Variants in ACOXL observed in about 807,000 individuals in gnomAD.
ACOXL encodes the protein acyl-coenzyme A oxidase-like protein.
A neutral mutation model predicts 71.9 loss-of-function variants in ACOXL; 70 were observed. That is an observed-to-expected ratio of 0.97 (90% CI 0.80 to 1.19). The LOEUF (loss-of-function observed/expected upper bound fraction) is 1.19, where lower values mean the gene tolerates loss of function less well. ACOXL is among the 50% of genes most tolerant of loss of function. The pLI is 0.00. For synonymous variants in ACOXL, 253 were observed against 281.6 expected, an observed-to-expected ratio of 0.90 and a Z score of 1.02; for missense variants, 703 against 736.3, an observed-to-expected ratio of 0.95 and a Z score of 0.52.
Position 110,735,018 on chromosome 2 carries a change from G to C in ACOXL, c.-23+2244G>C, listed in dbSNP as rs529879014. On this transcript the variant is annotated intron_variant, in intron 1 of 17. Coordinates refer to ENST00000439055, the MANE Select transcript of ACOXL (RefSeq NM_001142807.4). Reference sequence around the variant, plus strand: ...TGTGGTGGGATACCAAAACACACTTGCACGCAAAGGGAAAAGCAAAAATCC... The same window carrying C: ...TGTGGTGGGATACCAAAACACACTTCCACGCAAAGGGAAAAGCAAAAATCC... Among the ~76,000 whole-genome samples, 147 of 152,270 alleles carry C rather than the reference G, an allele frequency of 9.7e-4. 1 individual carries two copies. The highest frequency in any genetic ancestry group is 3.4e-3 in the African/African-American group (140 of 41,566).
At chr2:110,828,958 T>C (rs1016300616) in intron 9 of ACOXL, among the ~76,000 whole-genome samples, 3 of 152,108 alleles carry the variant, frequency 2.0e-5, no homozygotes, top group South Asian at 4.1e-4. Flanking sequence ...ATTACAGGCA[T>C]GCACCACCAC....
At chr2:110,819,605 G>A (rs373304115) in intron 9 of ACOXL, among the ~76,000 whole-genome samples, 2 of 152,318 alleles carry the variant, frequency 1.3e-5, no homozygotes, top group African/African-American at 4.8e-5. Context: ...TCATGGAAGC[G>A]AAGAGGAGGG....
intron 10 of ACOXL, among the ~76,000 whole-genome samples, chr2:110,903,924 G>A (rs138501532): frequency 1.6e-4 from 25 of 152,346 alleles, no homozygotes; most frequent in Admixed American, 3.9e-4. Flanking sequence ...TGAGGCCCTC[G>A]GTCTCTGCTA....
intron 10 of ACOXL, among the ~76,000 whole-genome samples, chr2:110,841,771 T>G (rs1691208374): frequency 6.6e-6 from 1 of 152,150 alleles, no homozygotes; most frequent in Non-Finnish European, 1.5e-5. Flanking sequence ...CAAGGGCTTG[T>G]CTGTGAAGCC....
chr2:110,808,638 G>T (rs1686950557), intron 9 of ACOXL, among the ~76,000 whole-genome samples: 1 of 152,134 alleles, frequency 6.6e-6, no homozygotes, highest in African/African-American at 2.4e-5. Context: ...ACTGTGGGAG[G>T]GGGCTTACAT....
At chr2:110,872,897 C>T (rs955507913) in intron 10 of ACOXL, among the ~76,000 whole-genome samples, 2 of 152,182 alleles carry the variant, frequency 1.3e-5, no homozygotes, top group African/African-American at 2.4e-5. Flanking sequence ...GAAATGTCTC[C>T]AAGGAGAGAA....
chr2:110,956,116 G>A (rs2061492119), intron 12 of ACOXL, among the ~76,000 whole-genome samples: 1 of 151,854 alleles, frequency 6.6e-6, no homozygotes. Context: ...TGTATTTTTA[G>A]TAGAGACGGG....
At chr2:110,853,722 C>A (rs564394788) in intron 10 of ACOXL, among the ~76,000 whole-genome samples, 5 of 152,270 alleles carry the variant, frequency 3.3e-5, no homozygotes, top group African/African-American at 1.2e-4. Context: ...CCTCTAGAGC[C>A]AGCCCGAGGC....
chr2:110,886,299 A>T (rs1170543426), intron 10 of ACOXL, among the ~76,000 whole-genome samples: 1 of 151,326 alleles, frequency 6.6e-6, no homozygotes, highest in South Asian at 2.1e-4. Context: ...GGTCGGCCAC[A>T]TTGCACAGGC....
intron 12 of ACOXL, among the ~76,000 whole-genome samples, chr2:110,966,759 G>A (rs2061948038): frequency 6.6e-6 from 1 of 152,194 alleles, no homozygotes; most frequent in South Asian, 2.1e-4. Context: ...GTGGGAAAAG[G>A]GGGTAGTTGG....
intron 10 of ACOXL, among the ~76,000 whole-genome samples, chr2:110,851,137 G>A (rs1326374541): frequency 6.6e-6 from 1 of 152,200 alleles, no homozygotes; most frequent in African/African-American, 2.4e-5. Context: ...AGCAAAGTGA[G>A]GGATTTTTGG....
chr2:110,840,526 C>A (rs1691031324), intron 9 of ACOXL, among the ~76,000 whole-genome samples: 1 of 152,162 alleles, frequency 6.6e-6, no homozygotes, highest in South Asian at 2.1e-4. Flanking sequence ...GCCCATTTTA[C>A]AGTTGGGAAA....
chr2:111,021,462 G>A (rs2064755939), intron 14 of ACOXL, among the ~76,000 whole-genome samples: 2 of 152,114 alleles, frequency 1.3e-5, no homozygotes, highest in South Asian at 4.1e-4. Context: ...CAGTTTCAAA[G>A]CTTAGGGCAA....
intron 12 of ACOXL, among the ~76,000 whole-genome samples, chr2:110,953,338 A>G (rs1309099088): frequency 2.0e-5 from 3 of 151,512 alleles, no homozygotes; most frequent in African/African-American, 7.3e-5. Context: ...ATACATATAT[A>G]TATATATATT....
intron 15 of ACOXL, among the ~76,000 whole-genome samples, chr2:111,040,391 A>G (rs890384689): frequency 1.3e-5 from 2 of 152,174 alleles, no homozygotes; most frequent in Non-Finnish European, 2.9e-5. Flanking sequence ...TGAATCTGAC[A>G]TCTACTCAGT....
chr2:111,090,176 C>G (rs2068444418), intron 16 of ACOXL, among the ~76,000 whole-genome samples: 1 of 152,134 alleles, frequency 6.6e-6, no homozygotes, highest in African/African-American at 2.4e-5. Flanking sequence ...TACAGTGTGT[C>G]AGCTCCTTTA....
Position 111,064,435 on chromosome 2 carries a change from C to CAAAAAAAAAAAAAAAAAAAAA in ACOXL, c.1440+15157_1440+15158insAAAAAAAAAAAAAAAAAAAAA, listed in dbSNP as rs34617136. On this transcript the variant is annotated intron_variant, in intron 16 of 17. Coordinates refer to ENST00000439055, the MANE Select transcript of ACOXL (RefSeq NM_001142807.4). ...TGGGCGAAAGAGCGACACTCCATCT[C>CAAAAAAAAAAAAAAAAAAAAA]AAAAAAAAAACAAAAAAAAAACAAC... Among the ~76,000 whole-genome samples, 2 of 85,328 alleles carry CAAAAAAAAAAAAAAAAAAAAA rather than the reference C, an allele frequency of 2.3e-5. 1 individual carries two copies. The allele number at this position is 85,328 out of a possible 152,430, so 56.0% of individuals were successfully genotyped here.
At chr2:111,009,257 T>C (rs531975157) in intron 14 of ACOXL, among the ~76,000 whole-genome samples, 1 of 152,234 alleles carries the variant, frequency 6.6e-6, no homozygotes, top group South Asian at 2.1e-4. Flanking sequence ...CTCACGTCTG[T>C]AATCCCAGTA....
chr2:111,067,248 TATTTG>T (rs1476111008), intron 16 of ACOXL, among the ~76,000 whole-genome samples: 1 of 152,176 alleles, frequency 6.6e-6, no homozygotes, highest in Non-Finnish European at 1.5e-5. Context: ...TTAAAACTCA[TATTTG>T]ATCAAAGCAA....
Sources: gnomAD v4.1 joint callset for allele counts (sites outside exome capture counted in the v4.1 genomes callset) on GRCh38, gnomAD v4.1.1 for gene constraint, MANE v1.5 for transcripts, NCBI Gene and HGNC (gene_info 2026-07-23, HGNC 2026-07-21) for gene names.